KDM3B: variants seen among roughly 807,000 people sequenced by gnomAD.
KDM3B encodes the protein lysine-specific demethylase 3B.
A neutral mutation model predicts 170.0 loss-of-function variants in KDM3B; 10 were observed. The observed-to-expected ratio is 0.06, with a 90% CI of 0.04 to 0.10. KDM3B has a LOEUF of 0.10. Ranked by LOEUF, KDM3B falls within the 10% of genes least tolerant of loss-of-function variation. The pLI is 1.00. For synonymous variants in KDM3B, 831 were observed against 834.8 expected, an observed-to-expected ratio of 1.00 and a Z score of 0.08; for missense variants, 1,394 against 2,195.2, an observed-to-expected ratio of 0.64 and a Z score of 7.29.
intron 9 of KDM3B, 65 bp downstream of exon 9, chr5:138,393,437 C>A: frequency 1.5e-6 from 2 of 1,295,708 alleles, no homozygotes; most frequent in Non-Finnish European, 2.2e-6. Context: ...TCCACTCTTT[C>A]TCTGAGTCTA....
intron 6 of KDM3B, among the ~76,000 whole-genome samples, chr5:138,383,212 C>T (rs2126937362): frequency 6.6e-6 from 1 of 151,696 alleles, no homozygotes; most frequent in Middle Eastern, 3.4e-3. Context: ...GATCTTGGCT[C>T]ACTGCAACCT....
chr5:138,391,457 C>A lies in KDM3B; in HGVS notation c.1825C>A (p.Leu609Ile), dbSNP rs1438436699. The A allele has an allele frequency of 6.2e-7, 1 of 1,614,130 alleles. No homozygotes were observed. Among genetic ancestry groups the A allele is most frequent in the Admixed American group, 1.7e-5 (1 of 60,002 alleles). Residue 609 changes from leucine (L) to isoleucine (I), a missense_variant, in exon 8 of 24, where the codon CTC (leucine) becomes ATC (isoleucine). Physicochemically the swap from Leu to Ile is conservative, Grantham distance 5. Around this residue, in one of 19 missense-constraint regions of KDM3B, gnomAD observed 294 missense variants for 311.7 expected, o/e 0.94. Transcript: ENST00000314358. The surrounding 1 kb of genome is among the most constrained non-coding windows in gnomAD (Gnocchi z 5.0). The part of the protein sequence containing the change: ...PTLTPAFPRS[L>I]LNARTPENHE... Reference sequence around the variant, plus strand: ...CCTCACTCCAGCCTTCCCACGGAGCCTCCTAAATGCCCGTACCCCAGAGAA... The same window carrying A: ...CCTCACTCCAGCCTTCCCACGGAGCATCCTAAATGCCCGTACCCCAGAGAA...
At chr5:138,367,518 A>C (rs1580881350) in intron 1 of KDM3B, among the ~76,000 whole-genome samples, 1 of 152,226 alleles carries the variant, frequency 6.6e-6, no homozygotes, top group Non-Finnish European at 1.5e-5. Context: ...AATATAAATC[A>C]CATGTAGACC....
chr5:138,359,468 T>A (rs1761544249), intron 1 of KDM3B, among the ~76,000 whole-genome samples: 1 of 85,868 alleles, frequency 1.2e-5, no homozygotes. Context: ...CCCCCACCTT[T>A]TTTTTTTTTT....
chr5:138,379,774 G>A (rs370756256), intron 5 of KDM3B, 66 bp downstream of exon 5: 2 of 1,463,806 alleles, frequency 1.4e-6, no homozygotes, highest in East Asian at 2.5e-5. Context: ...TTAGATAGGC[G>A]AGCACTTCAT....
intron 1 of KDM3B, among the ~76,000 whole-genome samples, chr5:138,369,287 T>C (rs1480919916): frequency 6.6e-6 from 1 of 152,198 alleles, no homozygotes; most frequent in Non-Finnish European, 1.5e-5. Flanking sequence ...TTTGTGATGG[T>C]AGCACTTCTC....
chr5:138,353,467 G>A (rs947899228), intron 1 of KDM3B, among the ~76,000 whole-genome samples: 1 of 152,208 alleles, frequency 6.6e-6, no homozygotes, highest in African/African-American at 2.4e-5. Flanking sequence ...GAGGCACGGA[G>A]GCTGCAGTTG....
chr5:138,372,520 G>A (rs990085256), intron 1 of KDM3B, among the ~76,000 whole-genome samples, 154 bp from the exon 2 acceptor site: 11 of 152,208 alleles, frequency 7.2e-5, no homozygotes, highest in Non-Finnish European at 1.2e-4. Flanking sequence ...TGGCTCTGAA[G>A]ATCAGCTATT....
Position 138,425,575 on chromosome 5 carries a change from C to T in KDM3B, c.4404C>T (p.Ile1468=). Residue 1468 remains isoleucine, a synonymous_variant, in exon 17 of 24, where the codon ATC becomes ATT. Coordinates refer to ENST00000314358, the MANE Select transcript of KDM3B (RefSeq NM_016604.4). ...KVRDFWDGFE[I]ICKRLRSEDG... is the part of the protein sequence containing the mutation. The stretch of plus-strand genomic sequence containing the variant: ...GGGATTTCTGGGATGGTTTCGAGAT[C>T]ATATGCAGTAAGTAGCTTTCATATC... 1 of 1,613,832 alleles carries T rather than the reference C, an allele frequency of 6.2e-7. No homozygotes were observed. The highest frequency in any genetic ancestry group is 8.5e-7 in the Non-Finnish European group (1 of 1,179,824).
intron 17 of KDM3B, 23 bp from the exon 18 acceptor site, chr5:138,426,952 T>C (rs1561796095): frequency 6.3e-7 from 1 of 1,584,118 alleles, no homozygotes; most frequent in Non-Finnish European, 8.7e-7. Flanking sequence ...CAGATGTTTG[T>C]GGGAGTATTC....
Position 138,420,569 on chromosome 5 carries a change from A to C in KDM3B, c.3716-137A>C. ...ATAGCTTGTAAGGCTTGACCCAAAC[A>C]AACCATACACAGTTTGGGGGGTGCA... On this transcript the variant is annotated intron_variant, in intron 14 of 23. Transcript: ENST00000314358. 4 of 928,360 alleles carry C rather than the reference A, an allele frequency of 4.3e-6. No homozygotes were observed. In the South Asian group the frequency reaches 6.3e-5, roughly 15 times the overall value. 57.5% of individuals were successfully genotyped at this position (928,360 alleles called of 1,614,324 possible). A position where few individuals can be genotyped will look rare whatever the true frequency, so the allele number is the denominator to read the frequency against.
rs557555383 is a variant in KDM3B, at chr5:138,418,690, A to T, written c.3436-263A>T. Among the ~76,000 whole-genome samples, 7 of 152,334 alleles carry T rather than the reference A, an allele frequency of 4.6e-5. No homozygotes were observed. In the East Asian group the frequency reaches 1.3e-3, roughly 29 times the overall value. On this transcript the variant is annotated intron_variant, in intron 13 of 23. Coordinates refer to ENST00000314358, the MANE Select transcript of KDM3B (RefSeq NM_016604.4). ...AGGTCATTTAAATTACCAATTCACC[A>T]TTGCAGAAATTGTGTCAGGCATGCT...
At chr5:138,376,714 G>GAAAAAAAA (rs1283807948) in intron 3 of KDM3B, among the ~76,000 whole-genome samples, 7 of 90,186 alleles carry the variant, frequency 7.8e-5, no homozygotes, top group Admixed American at 1.1e-4. Context: ...AAGAAAAAAA[G>GAAAAAAAA]AAAAAAAAAA....
At chr5:138,399,555 TA>T (rs1203658936) in intron 10 of KDM3B, among the ~76,000 whole-genome samples, 1 of 151,770 alleles carries the variant, frequency 6.6e-6, no homozygotes, top group East Asian at 1.9e-4. Context: ...TATATATATA[TA>T]TTTTTTTACA....
rs749789099 is a variant in KDM3B at position 138,386,376 on chromosome 5, C to T, written c.1135C>T (p.Pro379Ser). The change falls in exon 7 of 24, where the codon CCT becomes TCT. Residue 379 changes from proline (P) to serine (S), a missense_variant. Around this residue, in one of 19 missense-constraint regions of KDM3B, gnomAD observed 205 missense variants for 227.6 expected, o/e 0.90. Transcript: ENST00000314358. ...VQDEPVGGDTPASFTPYSTAT... is the reference protein window; with the variant it reads ...VQDEPVGGDTSASFTPYSTAT... ...GGATGAGCCTGTAGGTGGGGACACACCTGCATCTTTCACTCCATATTCTAC... is the reference window on the plus strand; with the variant it reads ...GGATGAGCCTGTAGGTGGGGACACATCTGCATCTTTCACTCCATATTCTAC... 13 of 1,614,212 alleles carry T rather than the reference C, an allele frequency of 8.1e-6. No individual in the cohort carries two copies. The highest frequency in any genetic ancestry group is 1.1e-5 in the Non-Finnish European group (13 of 1,180,048).
intron 11 of KDM3B, among the ~76,000 whole-genome samples, chr5:138,403,830 C>CG (rs756908046): frequency 8.0e-6 from 1 of 125,050 alleles, no homozygotes; most frequent in African/African-American, 3.0e-5. Flanking sequence ...CCATCTCAAC[C>CG]AAAAAAAAAA....
rs951794474 is a variant in KDM3B at position 138,375,279 on chromosome 5, G to C, written c.474+73G>C. ...TAATTTCTTTGTTGATATAAACATA[G>C]GTGTTTCTCCTTTTACTGGGTGGGA... On this transcript the variant is annotated intron_variant, in intron 3 of 23. Transcript: ENST00000314358. 3.4e-6 allele frequency: 3 copies of C among 888,932 alleles called. No individual in the cohort carries two copies. The African/African-American group carries it at 5.0e-5, about 15-fold the overall frequency. 55.1% of individuals were successfully genotyped at this position (888,932 alleles called of 1,614,324 possible).
chr5:138,430,212 T>G, intron 21 of KDM3B, 37 bp from the exon 22 acceptor site: 1 of 1,605,700 alleles, frequency 6.2e-7, no homozygotes, highest in Non-Finnish European at 8.5e-7. Flanking sequence ...TTAATGATTT[T>G]TAATTTTCCC....
At chr5:138,353,643 T>A (rs1193322448) in intron 1 of KDM3B, among the ~76,000 whole-genome samples, 1 of 152,154 alleles carries the variant, frequency 6.6e-6, no homozygotes, top group African/African-American at 2.4e-5. Context: ...TTTGTTAAGT[T>A]TGAGATCTTT....
Sources: allele counts gnomAD v4.1 joint callset (sites outside exome capture counted in the v4.1 genomes callset), GRCh38; gene constraint gnomAD v4.1.1; regional missense constraint gnomAD v4.1.1; non-coding constraint Gnocchi (gnomAD v3.1); transcripts MANE v1.5; gene names NCBI Gene and HGNC (gene_info 2026-07-23, HGNC 2026-07-21).